Variants in PNPLA8 observed in about 807,000 individuals in gnomAD.
The protein encoded by PNPLA8 is calcium-independent phospholipase A2-gamma.
A neutral mutation model predicts 76.9 loss-of-function variants in PNPLA8; 39 were observed. The ratio of observed to expected loss-of-function variants is 0.51; its 90% confidence interval spans 0.39 to 0.66. The LOEUF (loss-of-function observed/expected upper bound fraction) is 0.66. Ranked by LOEUF, PNPLA8 falls within the 30% of genes least tolerant of loss-of-function variation. PNPLA8 has a pLI of 0.00. For synonymous variants in PNPLA8, 301 were observed against 307.9 expected (o/e 0.98, Z 0.24); for missense variants, 887 against 918.0 (o/e 0.97, Z 0.44).
intron 4 of PNPLA8, among the ~76,000 whole-genome samples, chr7:108,506,701 A>C (rs1862455220): frequency 6.6e-6 from 1 of 150,622 alleles, no homozygotes. Context: ...CACAAACATA[A>C]TATTGAGTGA....
At chr7:108,508,956 G>C (rs1862674738) in intron 4 of PNPLA8, among the ~76,000 whole-genome samples, 1 of 118,986 alleles carries the variant, frequency 8.4e-6, no homozygotes, top group Non-Finnish European at 1.7e-5. Context: ...ATGGTGCTGG[G>C]AAAACTGGCT....
intron 4 of PNPLA8, among the ~76,000 whole-genome samples, chr7:108,504,760 A>T (rs1206146794): frequency 6.6e-6 from 1 of 152,160 alleles, no homozygotes; most frequent in Non-Finnish European, 1.5e-5. Flanking sequence ...GCACAACCAC[A>T]CACAAATATA....
chr7:108,492,894 C>T (rs531978966), intron 7 of PNPLA8, among the ~76,000 whole-genome samples: 1 of 152,286 alleles, frequency 6.6e-6, no homozygotes, highest in Admixed American at 6.5e-5. Flanking sequence ...GTGACCTCAA[C>T]AAACATGCCA....
chr7:108,492,426 T>C (rs1011649728), intron 7 of PNPLA8, among the ~76,000 whole-genome samples: 8 of 152,208 alleles, frequency 5.3e-5, no homozygotes, highest in Non-Finnish European at 4.4e-5. Flanking sequence ...ATTCTTACTG[T>C]AAAATTACAA....
chr7:108,502,758 T>C, intron 4 of PNPLA8, 116 bp from the exon 5 acceptor site: 2 of 626,834 alleles, frequency 3.2e-6, no homozygotes, highest in Non-Finnish European at 5.4e-6. Flanking sequence ...ACAGTGTTCA[T>C]TACTTTCTCA....
At chr7:108,521,904 A>C (rs1863761469) in intron 1 of PNPLA8, among the ~76,000 whole-genome samples, 1 of 152,214 alleles carries the variant, frequency 6.6e-6, no homozygotes, top group Non-Finnish European at 1.5e-5. Context: ...TCCAGAGTTA[A>C]CCTGAAAATC....
At chr7:108,517,287 A>ACT (rs1863413023) in intron 2 of PNPLA8, among the ~76,000 whole-genome samples, 2 of 152,128 alleles carry the variant, frequency 1.3e-5, no homozygotes, top group African/African-American at 4.8e-5. Flanking sequence ...AGTAAAAGGA[A>ACT]CTCTCACTCA....
chr7:108,510,636 T>G, intron 4 of PNPLA8: 5 of 1,570,790 alleles, frequency 3.2e-6, no homozygotes, highest in Non-Finnish European at 4.3e-6. Context: ...CTGAGGATTG[T>G]AGAGCCATAT....
chr7:108,525,036 T>C (rs1224494650), intron 1 of PNPLA8, among the ~76,000 whole-genome samples: 1 of 152,110 alleles, frequency 6.6e-6, no homozygotes, highest in African/African-American at 2.4e-5. Context: ...ACATCACTCA[T>C]TAAAAGGGCG....
chr7:108,498,579 C>A (rs1861728781), intron 5 of PNPLA8, among the ~76,000 whole-genome samples: 1 of 151,968 alleles, frequency 6.6e-6, no homozygotes, highest in Non-Finnish European at 1.5e-5. Flanking sequence ...GGCCACCAGT[C>A]AGATTTTTAA....
At chr7:108,495,197 A>G (rs561486636) in intron 7 of PNPLA8, among the ~76,000 whole-genome samples, 69 of 152,324 alleles carry the variant, frequency 4.5e-4, no homozygotes, top group African/African-American at 1.6e-3. Flanking sequence ...CTGGCCCACA[A>G]TTTTACTTCT....
At chr7:108,509,832 G>A (rs1167364853) in intron 4 of PNPLA8, among the ~76,000 whole-genome samples, 1 of 145,000 alleles carries the variant, frequency 6.9e-6, no homozygotes, top group African/African-American at 2.6e-5. Context: ...ATCCACCATG[G>A]AATACTATGC....
chr7:108,510,610 G>A (rs1862845429), intron 4 of PNPLA8: 13 of 1,555,484 alleles, frequency 8.4e-6, no homozygotes, highest in Non-Finnish European at 1.1e-5. Context: ...AGCTCAACAA[G>A]GCTTCGACTA....
rs1158620812 is a variant in PNPLA8 at position 108,471,485 on chromosome 7, G to T, written c.*916C>A. The T allele has an allele frequency of 1.3e-5, 2 of 152,226 alleles. No individual in the cohort carries two copies. Among genetic ancestry groups the T allele is most frequent in the East Asian group, 3.8e-4 (2 of 5,198 alleles). 9.4% of individuals were successfully genotyped at this position (152,226 alleles called of 1,614,324 possible). A position where few individuals can be genotyped will look rare whatever the true frequency, so the allele number is the denominator to read the frequency against. The stretch of plus-strand genomic sequence containing the variant: ...CTGCCTCGGCCTCCCAAAGTGCTGG[G>T]ATTACAGGTGTGAGCTACTGCGCCA... On this transcript the variant is annotated 3_prime_UTR_variant, in exon 11 of 11. Transcript: ENST00000257694.
At chr7:108,513,885 T>C (rs11974559) in intron 4 of PNPLA8, among the ~76,000 whole-genome samples, 35,079 of 152,080 alleles carry the variant, frequency 0.23, 4,544 homozygotes, top group Non-Finnish European at 0.3. Context: ...GTTAGGCAAT[T>C]CAACTAATAA....
At chr7:108,505,183 G>GT (rs888804044) in intron 4 of PNPLA8, among the ~76,000 whole-genome samples, 1 of 149,292 alleles carries the variant, frequency 6.7e-6, no homozygotes, top group Non-Finnish European at 1.5e-5. Context: ...CTGGATAAGT[G>GT]TATTTTTTAA....
At chr7:108,494,392 T>A (rs1563952419) in intron 7 of PNPLA8, among the ~76,000 whole-genome samples, 3 of 152,182 alleles carry the variant, frequency 2.0e-5, no homozygotes, top group Admixed American at 6.5e-5. Flanking sequence ...GTCCCCAGCA[T>A]CAATTGTTCC....
chr7:108,496,423 C>G, intron 7 of PNPLA8, 161 bp downstream of exon 7: 1 of 485,378 alleles, frequency 2.1e-6, no homozygotes, highest in South Asian at 3.6e-5. Flanking sequence ...CACCAAAATA[C>G]TAACAGTGGT....
At chr7:108,474,336 A>G (rs1396891106) in intron 10 of PNPLA8, among the ~76,000 whole-genome samples, 1 of 152,136 alleles carries the variant, frequency 6.6e-6, no homozygotes, top group Non-Finnish European at 1.5e-5. Context: ...ACAGGGTAAG[A>G]TGTCTAGTCT....
Sources: gnomAD v4.1 joint callset for allele counts (sites outside exome capture counted in the v4.1 genomes callset) on GRCh38, gnomAD v4.1.1 for gene constraint, MANE v1.5 for transcripts, NCBI Gene and HGNC (gene_info 2026-07-23, HGNC 2026-07-21) for gene names.